Variants in LRIG3 observed in about 807,000 individuals in gnomAD.
LRIG3 encodes leucine-rich repeats and immunoglobulin-like domains protein 3.
A neutral mutation model predicts 114.5 loss-of-function variants in LRIG3; 76 were observed. The ratio of observed to expected loss-of-function variants is 0.66; its 90% CI spans 0.55 to 0.80. The LOEUF (loss-of-function observed/expected upper bound fraction) is 0.80. LRIG3 is among the 30% of genes least tolerant of loss of function. The probability of loss-of-function intolerance (pLI) is 0.00; values close to 1 mark genes in which losing one functional copy is unlikely to be tolerated. For synonymous variants in LRIG3, 512 were observed against 519.8 expected, an observed-to-expected ratio of 0.98 and a Z score of 0.20; for missense variants, 1,239 against 1,382.8, an observed-to-expected ratio of 0.90 and a Z score of 1.65.
rs757667827 is a variant in LRIG3 at position 58,879,028 on chromosome 12, C to T, written c.1879G>A (p.Val627Met). 3.7e-6 allele frequency: 6 copies of T among 1,614,048 alleles called. No homozygotes were observed. In the South Asian group the frequency reaches 5.5e-5, roughly 15 times the overall value. ...GAMARLECAA[V>M]GHPAPQIAWQ... ...GCTATCTGGGGGGCTGGGTGCCCCA[C>T]AGCAGCACACTCCAAGCGTGCCATG... Residue 627 changes from valine to methionine, a missense_variant, in exon 14 of 19, where the codon GTG (valine) becomes ATG (methionine). Val to Met is a conservative substitution (Grantham distance 21). Coordinates refer to ENST00000320743, the MANE Select transcript of LRIG3 (RefSeq NM_153377.5).
In LRIG3 at chr12:58,914,040, C is replaced by A; in HGVS notation, c.325G>T (p.Glu109Ter). 2 of 1,608,618 alleles carry A rather than the reference C, an allele frequency of 1.2e-6. No homozygotes were observed. Among genetic ancestry groups the A allele is most frequent in the South Asian group, 1.1e-5 (1 of 89,830 alleles). The change falls in exon 3 of 19, where the codon GAA becomes TAA. Residue 109 changes from glutamate to a stop codon, truncating the protein, a stop_gained. Transcript: ENST00000320743. LOFTEE classifies it high-confidence loss of function. ...SLREVKLNNN[E>*]LETIPNLGPV... ...CCCAGATTTGGAATGGTCTCCAATTCATTGTTGTTCAGTTTCCTACAAATG... is the reference window on the plus strand; with the variant it reads ...CCCAGATTTGGAATGGTCTCCAATTAATTGTTGTTCAGTTTCCTACAAATG...
At chr12:58,912,682 A>G (rs1376947944) in intron 3 of LRIG3, among the ~76,000 whole-genome samples, 1 of 152,210 alleles carries the variant, frequency 6.6e-6, no homozygotes, top group Non-Finnish European at 1.5e-5. Context: ...TCTCTTAAAC[A>G]TACTGACAGA....
intron 4 of LRIG3, among the ~76,000 whole-genome samples, 188 bp from the exon 5 acceptor site, chr12:58,890,327 T>C (rs1871413431): frequency 6.6e-6 from 1 of 152,222 alleles, no homozygotes; most frequent in Admixed American, 6.5e-5. Context: ...GTGATTAAAA[T>C]ATGTGACGGA....
At chr12:58,900,943 C>T (rs1424165188) in intron 3 of LRIG3, among the ~76,000 whole-genome samples, 1 of 152,190 alleles carries the variant, frequency 6.6e-6, no homozygotes, top group Non-Finnish European at 1.5e-5. Context: ...TTTAGGGAAG[C>T]AGCTGGTGGC....
chr12:58,896,275 T>A (rs561001051), intron 3 of LRIG3, among the ~76,000 whole-genome samples: 6 of 152,332 alleles, frequency 3.9e-5, no homozygotes, highest in Admixed American at 2.6e-4. Context: ...CTTAGTGTGA[T>A]GACTGGTTCT....
intron 1 of LRIG3, among the ~76,000 whole-genome samples, chr12:58,916,033 AT>A (rs1182448968): frequency 6.6e-6 from 1 of 152,224 alleles, no homozygotes; most frequent in Admixed American, 6.5e-5. Flanking sequence ...GCAATCTGGC[AT>A]TAATATTTAA....
chr12:58,916,519 T>C lies in LRIG3; in HGVS notation c.237-2183A>G, dbSNP rs999956262. On this transcript the variant is annotated intron_variant, in intron 1 of 18. Coordinates refer to ENST00000320743, the MANE Select transcript of LRIG3 (RefSeq NM_153377.5). ...CACATTTTCCTAAATCTTCCTTACATTGTTTTTATGGCTAGACCATTAAAA... is the reference window on the plus strand; with the variant it reads ...CACATTTTCCTAAATCTTCCTTACACTGTTTTTATGGCTAGACCATTAAAA... Among the ~76,000 whole-genome samples the C allele has an allele frequency of 2.6e-5, 4 of 152,226 alleles. No homozygotes were observed. The East Asian group carries it at 5.8e-4, about 22-fold the overall frequency.
At position 58,920,378 on chromosome 12, in the gene LRIG3, C is replaced by T. The variant is rs1872631459; in HGVS notation, c.-143G>A. 2 of 541,344 alleles carry T rather than the reference C, an allele frequency of 3.7e-6. No homozygotes were observed. The highest frequency in any genetic ancestry group is 5.8e-6 in the Non-Finnish European group (2 of 347,024). 33.5% of individuals were successfully genotyped at this position (541,344 alleles called of 1,614,324 possible). A position where few individuals can be genotyped will look rare whatever the true frequency, so the allele number is the denominator to read the frequency against. ...CCTCGCGCTGCCCGGTCAATTCCTT[C>T]TTTTACTCCCGGCGGCGAAGCCCTT... On this transcript the variant is annotated 5_prime_UTR_variant, in exon 1 of 19. Transcript: ENST00000320743.
chr12:58,876,159 A>G (rs1220724491), intron 16 of LRIG3, among the ~76,000 whole-genome samples: 2 of 152,258 alleles, frequency 1.3e-5, no homozygotes, highest in East Asian at 3.8e-4. Flanking sequence ...TTTAAGGGCC[A>G]AAGAACATTT....
chr12:58,911,445 C>A (rs537686475), intron 3 of LRIG3, among the ~76,000 whole-genome samples: 122 of 152,296 alleles, frequency 8.0e-4, no homozygotes, highest in African/African-American at 2.4e-3. Flanking sequence ...CAACTAATTA[C>A]TCATTTTCTT....
At chr12:58,894,098 T>G (rs774928843) in intron 3 of LRIG3, among the ~76,000 whole-genome samples, 1 of 152,178 alleles carries the variant, frequency 6.6e-6, no homozygotes, top group Non-Finnish European at 1.5e-5. Flanking sequence ...AACAAGGTAT[T>G]AAAACTGCCA....
chr12:58,902,563 C>CT lies in LRIG3; in HGVS notation c.383+11418dup, dbSNP rs1014265665. ...GTTTATATTTATAATTGCCTTTTCT[C>CT]TTTTTTTTATTTTTTCATTATTATA... On this transcript the variant is annotated intron_variant, in intron 3 of 18. Transcript: ENST00000320743. Among the ~76,000 whole-genome samples, 13 of 151,814 alleles carry CT rather than the reference C, an allele frequency of 8.6e-5. No homozygotes were observed. The East Asian group carries it at 1.4e-3, about 16-fold the overall frequency.
chr12:58,894,199 G>A (rs11172801), intron 3 of LRIG3, among the ~76,000 whole-genome samples: 9,160 of 152,220 alleles, frequency 0.06, 298 homozygotes, highest in East Asian at 0.11. Flanking sequence ...CTCCTAAATC[G>A]CAGTGTGAAA....
intron 3 of LRIG3, among the ~76,000 whole-genome samples, chr12:58,907,084 G>A (rs367598975): frequency 1.3e-5 from 2 of 151,802 alleles, no homozygotes; most frequent in Non-Finnish European, 2.9e-5. Flanking sequence ...TTCCCCTCAC[G>A]CTCCACACAT....
chr12:58,887,778 G>A lies in LRIG3; in HGVS notation c.1091+11C>T, dbSNP rs755845136. ...TACGTTCGAGTACTGACAGCAAAAC[G>A]TGTAACTTACAAAGTCTTTAAACTG... On this transcript the variant is annotated intron_variant, in intron 8 of 18. Coordinates refer to ENST00000320743, the MANE Select transcript of LRIG3 (RefSeq NM_153377.5). 5.6e-6 allele frequency: 9 copies of A among 1,611,862 alleles called. No individual in the cohort carries two copies. Among genetic ancestry groups the A allele is most frequent in the Admixed American group, 3.3e-5 (2 of 59,764 alleles).
chr12:58,883,727 A>G, intron 10 of LRIG3, 136 bp from the exon 11 acceptor site: 1 of 477,358 alleles, frequency 2.1e-6, no homozygotes, highest in Non-Finnish European at 3.7e-6. Flanking sequence ...TGACTGGGGC[A>G]GCCCCAGAAG....
At chr12:58,905,717 CT>C (rs1361559857) in intron 3 of LRIG3, among the ~76,000 whole-genome samples, 5 of 152,114 alleles carry the variant, frequency 3.3e-5, no homozygotes, top group African/African-American at 1.2e-4. Flanking sequence ...AGACTGGTAG[CT>C]TTATAAGAGG....
chr12:58,873,880 T>C (rs1592291086), intron 18 of LRIG3, 175 bp downstream of exon 18: 9 of 708,342 alleles, frequency 1.3e-5, no homozygotes, highest in East Asian at 5.0e-5. Context: ...TCAAGTAAAA[T>C]CCCACCTCTG....
In LRIG3 at chr12:58,877,656, A is replaced by G. The variant is rs1420166666; in HGVS notation, c.2280T>C (p.Ser760=). Residue 760 remains serine (S), a synonymous_variant, in exon 15 of 19, where the codon AGT becomes AGC. Coordinates refer to ENST00000320743, the MANE Select transcript of LRIG3 (RefSeq NM_153377.5). ...QLLIIVDSDV[S]DAGKYTCEMS... is the part of the protein sequence containing the mutation. ...TCTCACATGTGTATTTCCCAGCATC[A>G]CTGACATCTGAGTCCACAATAATCA... The G allele has an allele frequency of 6.2e-7, 1 of 1,614,152 alleles. No individual in the cohort carries two copies. The highest frequency in any genetic ancestry group is 1.7e-5 in the Admixed American group (1 of 60,020).
Sources: gnomAD v4.1 joint callset for allele counts (sites outside exome capture counted in the v4.1 genomes callset) on GRCh38, gnomAD v4.1.1 for gene constraint, MANE v1.5 for transcripts, NCBI Gene and HGNC (gene_info 2026-07-23, HGNC 2026-07-21) for gene names.